BPTF: variants seen among roughly 807,000 people sequenced by gnomAD.
BPTF encodes the protein bromodomain PHD finger transcription factor.
In BPTF, 18 loss-of-function variants were observed where a neutral mutation model predicts 292.5. The observed-to-expected ratio is 0.06, with a 90% CI of 0.04 to 0.09. The LOEUF is 0.09. Ranked by LOEUF, BPTF falls within the 10% of genes least tolerant of loss-of-function variation. The probability of loss-of-function intolerance (pLI) is 1.00; values close to 1 mark genes in which losing one functional copy is unlikely to be tolerated. For synonymous variants in BPTF, 1,225 were observed against 1,251.9 expected (o/e 0.98, Z 0.45); for missense variants, 2,726 against 3,498.7 (o/e 0.78, Z 5.57).
At chr17:67,857,868 A>G (rs368618882) in intron 2 of BPTF, among the ~76,000 whole-genome samples, 7 of 143,024 alleles carry the variant, frequency 4.9e-5, no homozygotes, top group African/African-American at 1.9e-4. Context: ...GCTCACTGCA[A>G]CCTCCATCTC....
At chr17:67,951,183 A>G (rs2066320846) in intron 23 of BPTF, 1 of 152,158 alleles carries the variant, frequency 6.6e-6, no homozygotes, top group Non-Finnish European at 1.5e-5. Flanking sequence ...TGGTCAGCTT[A>G]ACCTTCAGCC....
intron 9 of BPTF, among the ~76,000 whole-genome samples, chr17:67,908,137 T>C (rs1405454714): frequency 6.6e-6 from 1 of 152,170 alleles, no homozygotes; most frequent in Non-Finnish European, 1.5e-5. Flanking sequence ...GTGATAATCC[T>C]TCATACACGA....
chr17:67,882,732 C>G (rs1283732570), intron 4 of BPTF, among the ~76,000 whole-genome samples: 1 of 152,164 alleles, frequency 6.6e-6, no homozygotes, highest in African/African-American at 2.4e-5. Context: ...CTGGGCTGGG[C>G]GTGGTGGCTG....
At chr17:67,920,947 C>G (rs1016989386) in intron 13 of BPTF, among the ~76,000 whole-genome samples, 1 of 151,932 alleles carries the variant, frequency 6.6e-6, no homozygotes, top group African/African-American at 2.4e-5. Context: ...TGGCTCACAC[C>G]TGTAATTCCA....
Position 67,935,151 on chromosome 17 carries a change from C to T in BPTF, c.6259+3132C>T, listed in dbSNP as rs138173873. On this transcript the variant is annotated intron_variant, in intron 18 of 27. Coordinates refer to ENST00000306378, the MANE Select transcript of BPTF (RefSeq NM_182641.4). ...TTTCGAAAGAAAACAAGACCTGATG[C>T]GGTGGCTCACACCTGTAATCCCAGC... is the stretch of plus-strand genomic sequence containing the variant. Among the ~76,000 whole-genome samples the T allele has an allele frequency of 7.9e-5, 12 of 151,740 alleles. 1 individual carries two copies. The East Asian group carries it at 1.4e-3, about 17-fold the overall frequency.
At chr17:67,851,516 T>C (rs1393581410) in intron 1 of BPTF, among the ~76,000 whole-genome samples, 1 of 152,214 alleles carries the variant, frequency 6.6e-6, no homozygotes. Context: ...AAGCAGCATG[T>C]TTTAAAAGTA....
Position 67,911,450 on chromosome 17 carries a change from T to C in BPTF, c.3566T>C (p.Ile1189Thr). ...CPKQNSIEND[I>T]EEKVSDLASR... ...AAACAAAATTCCATTGAAAATGACA[T>C]AGAAGAAAAAGTCTCTGACCTTGCC... Residue 1189 changes from isoleucine to threonine, a missense_variant, in exon 11 of 28, where the codon ATA (isoleucine) becomes ACA (threonine). Ile to Thr is a moderately conservative substitution (Grantham distance 89). Coordinates refer to ENST00000306378, the MANE Select transcript of BPTF (RefSeq NM_182641.4). 6 of 1,614,050 alleles carry C rather than the reference T, an allele frequency of 3.7e-6. No homozygotes were observed. The highest frequency in any genetic ancestry group is 5.1e-6 in the Non-Finnish European group (6 of 1,179,988).
At chr17:67,936,501 C>T (rs1036771725) in intron 18 of BPTF, 51 of 152,118 alleles carry the variant, frequency 3.4e-4, no homozygotes, top group Middle Eastern at 3.4e-3. Context: ...TGCATAATGC[C>T]CTATGTAGCT....
At position 67,947,820 on chromosome 17, in the gene BPTF, G is replaced by T. The variant is rs375275463; in HGVS notation, c.7700+12G>T. On this transcript the variant is annotated intron_variant, in intron 22 of 27. Transcript: ENST00000306378. ...GAAGAGAATCAAAGGTAGGGGAGAC[G>T]CAGGGTCTTGTTGTCTGTCCGTCTC... 7 of 1,550,530 alleles carry T rather than the reference G, an allele frequency of 4.5e-6. No individual in the cohort carries two copies. Among genetic ancestry groups the T allele is most frequent in the Non-Finnish European group, 6.1e-6 (7 of 1,146,076 alleles).
At chr17:67,832,797 T>TC (rs1478923630) in intron 1 of BPTF, among the ~76,000 whole-genome samples, 1 of 143,830 alleles carries the variant, frequency 7.0e-6, no homozygotes, top group African/African-American at 2.6e-5. Context: ...TTTTTTTTTT[T>TC]TTTTTTTTGA....
intron 22 of BPTF, 77 bp downstream of exon 22, chr17:67,947,885 A>C (rs2065930195): frequency 8.5e-6 from 12 of 1,404,182 alleles, no homozygotes; most frequent in Non-Finnish European, 1.2e-5. Flanking sequence ...CTGAGTTTAT[A>C]CTTGTTTATC....
intron 26 of BPTF, chr17:67,974,353 T>C (rs1323446306): frequency 3.3e-5 from 5 of 152,106 alleles, no homozygotes; most frequent in Non-Finnish European, 7.4e-5. Flanking sequence ...AGAATTCTGT[T>C]TGGCGGCCTC....
intron 4 of BPTF, among the ~76,000 whole-genome samples, chr17:67,885,886 C>T (rs1013677760): frequency 6.6e-6 from 1 of 151,684 alleles, no homozygotes; most frequent in African/African-American, 2.4e-5. Context: ...TGATACGAGT[C>T]AGTGAGTTAG....
intron 1 of BPTF, among the ~76,000 whole-genome samples, chr17:67,837,404 A>T (rs1208458233): frequency 6.6e-6 from 1 of 150,664 alleles, no homozygotes; most frequent in Admixed American, 6.6e-5. Context: ...GTCTGTGCTT[A>T]TGTGTTTTGT....
intron 4 of BPTF, chr17:67,875,860 C>G: frequency 1.2e-6 from 1 of 851,244 alleles, no homozygotes; most frequent in Non-Finnish European, 1.6e-6. Flanking sequence ...TGCTTGCTTA[C>G]AGTGCCATCC....
chr17:67,867,132 T>G (rs1031364840), intron 3 of BPTF, among the ~76,000 whole-genome samples: 38 of 152,248 alleles, frequency 2.5e-4, no homozygotes, highest in African/African-American at 8.7e-4. Flanking sequence ...GTTCTCCATA[T>G]TTCATTTTCC....
intron 4 of BPTF, among the ~76,000 whole-genome samples, chr17:67,885,083 A>G (rs1294743258): frequency 6.6e-6 from 1 of 152,234 alleles, no homozygotes; most frequent in Middle Eastern, 3.2e-3. Flanking sequence ...CCAAAATTAT[A>G]CATTAAAGAT....
chr17:67,926,668 T>A (rs533023131), intron 15 of BPTF, among the ~76,000 whole-genome samples: 30 of 152,308 alleles, frequency 2.0e-4, no homozygotes, highest in African/African-American at 7.2e-4. Context: ...TATTTATGAA[T>A]ATAGCTAACA....
chr17:67,919,022 A>G (rs1019872054), intron 12 of BPTF, among the ~76,000 whole-genome samples, 184 bp downstream of exon 12: 4 of 151,330 alleles, frequency 2.6e-5, no homozygotes, highest in African/African-American at 4.9e-5. Context: ...AATACAAAAA[A>G]TTACCTGGGC....
Sources: allele counts gnomAD v4.1 joint callset (sites outside exome capture counted in the v4.1 genomes callset), GRCh38; gene constraint gnomAD v4.1.1; transcripts MANE v1.5; gene names NCBI Gene and HGNC (gene_info 2026-07-23, HGNC 2026-07-21).